DNAH11: variants seen among roughly 807,000 people sequenced by gnomAD.
The protein encoded by DNAH11 is dynein axonemal heavy chain 11.
Under a neutral mutation model 526.0 loss-of-function variants are expected in DNAH11, and 442 were observed. The ratio of observed to expected loss-of-function variants is 0.84; its 90% CI spans 0.78 to 0.91. DNAH11 has a LOEUF of 0.91. DNAH11 is among the 40% of genes least tolerant of loss of function. The pLI, the probability that DNAH11 is intolerant of heterozygous loss-of-function variation, is 0.00. For synonymous variants in DNAH11, 2,461 were observed against 1,935.9 expected (o/e 1.27, Z -7.12); for missense variants, 6,989 against 5,448.7 (o/e 1.28, Z -8.90).
Position 21,658,784 on chromosome 7 carries a change from A to G in DNAH11, c.5095-14A>G, listed in dbSNP as rs1305269041. On this transcript the variant is annotated splice_polypyrimidine_tract_variant and intron_variant, in intron 29 of 81. Transcript: ENST00000409508. ...GTTAAGCCTGTGTTATAACATTTCA[A>G]CTTGCTTCCAAAGGTGGAAACATGG... 3.9e-6 allele frequency: 6 copies of G among 1,549,402 alleles called. No individual in the cohort carries two copies. Among genetic ancestry groups the G allele is most frequent in the Admixed American group, 2.0e-5 (1 of 50,968 alleles).
rs1356934240 is a variant in DNAH11 at position 21,545,262 on chromosome 7, G to A, written c.495+113G>A. 1.3e-5 allele frequency: 6 copies of A among 471,022 alleles called. No individual in the cohort carries two copies. In the East Asian group the frequency reaches 3.7e-4, roughly 29 times the overall value. The allele number at this position is 471,022 out of a possible 1,614,324, so 29.2% of individuals were successfully genotyped here. A position where few individuals can be genotyped will look rare whatever the true frequency, so the allele number is the denominator to read the frequency against. On this transcript the variant is annotated intron_variant, in intron 2 of 81. Transcript: ENST00000409508. ...AAGAGCTAGGAGGGGAAGGGAAGGG[G>A]ATGGGGGTGGTTAAAAAAAAAAAAA...
chr7:21,675,183 C>T (rs1445849044), intron 30 of DNAH11, among the ~76,000 whole-genome samples: 3 of 152,252 alleles, frequency 2.0e-5, no homozygotes, highest in African/African-American at 7.2e-5. Flanking sequence ...AGCACCATCT[C>T]ATTGTCCTAA....
chr7:21,894,724 T>G lies in DNAH11; in HGVS notation c.12852T>G (p.Val4284=), dbSNP rs757487452. The change falls in exon 78 of 82, where the codon GTT becomes GTG. Residue 4284 remains valine (V), a synonymous_variant. Transcript: ENST00000409508. The stretch of plus-strand genomic sequence containing the variant: ...CAAATAGAAGCCCATATGTTCTTGT[T>G]TGCTTCCAAGAATGTGAGAGGATGA... The part of the protein sequence containing the change: ...KNSNRSPYVL[V]CFQECERMNI... 3.7e-6 allele frequency: 6 copies of G among 1,613,606 alleles called. No homozygotes were observed. In the East Asian group the frequency reaches 1.3e-4, roughly 36 times the overall value.
At chr7:21,704,319 C>A in intron 37 of DNAH11, 115 bp from the exon 38 acceptor site, 1 of 1,024,106 alleles carries the variant, frequency 9.8e-7, no homozygotes, top group Non-Finnish European at 1.4e-6. Flanking sequence ...TAATGGAGAA[C>A]AGTACCAATA....
Position 21,741,989 on chromosome 7 carries a change from C to G in DNAH11, c.7977C>G (p.Gly2659=). ...PSLDALNTIY[G]QIFSFHFQQQ... ...TGGATGCACTAAACACCATCTATGG[C>G]CAAATCTTTAGCTTCCATTTCCAAC... is the stretch of plus-strand genomic sequence containing the variant. Residue 2659 remains glycine (G), a synonymous_variant, in exon 49 of 82, where the codon GGC becomes GGG. Coordinates refer to ENST00000409508, the MANE Select transcript of DNAH11 (RefSeq NM_001277115.2). The G allele has an allele frequency of 6.2e-7, 1 of 1,613,898 alleles. No homozygotes were observed. The highest frequency in any genetic ancestry group is 8.5e-7 in the Non-Finnish European group (1 of 1,179,856).
rs577278888 is a variant in DNAH11, at chr7:21,662,513, T to C, written c.5328+3482T>C. Among the ~76,000 whole-genome samples, 3 of 152,252 alleles carry C rather than the reference T, an allele frequency of 2.0e-5. No homozygotes were observed. In the South Asian group the frequency reaches 6.2e-4, roughly 32 times the overall value. On this transcript the variant is annotated intron_variant, in intron 30 of 81. Transcript: ENST00000409508. ...TTAATTGAAAGGTAAATACTGTGTATATTTATGTGTACACATGATGTTTTG... is the reference window on the plus strand; with the variant it reads ...TTAATTGAAAGGTAAATACTGTGTACATTTATGTGTACACATGATGTTTTG...
chr7:21,734,730 T>C (rs1341344588), intron 45 of DNAH11, among the ~76,000 whole-genome samples: 2 of 151,888 alleles, frequency 1.3e-5, no homozygotes, highest in African/African-American at 4.8e-5. Flanking sequence ...TGGTGGTGCA[T>C]GCCTGTAGTC....
Position 21,589,198 on chromosome 7 carries a change from A to C in DNAH11, c.1974-10A>C. The stretch of plus-strand genomic sequence containing the variant: ...ACGTATAAACCAGTAGAAAAACCTT[A>C]TTCCTACAGATTTTTGGGCAATCCT... On this transcript the variant is annotated splice_polypyrimidine_tract_variant and intron_variant, in intron 11 of 81. Coordinates refer to ENST00000409508, the MANE Select transcript of DNAH11 (RefSeq NM_001277115.2). 1 of 1,586,312 alleles carries C rather than the reference A, an allele frequency of 6.3e-7. No homozygotes were observed. Among genetic ancestry groups the C allele is most frequent in the Non-Finnish European group, 8.5e-7 (1 of 1,172,048 alleles).
chr7:21,681,690 T>C lies in DNAH11; in HGVS notation c.5460+13T>C, dbSNP rs1454026422. The stretch of plus-strand genomic sequence containing the variant: ...TATTTCTCAGAAGGCAAGTTGTTTG[T>C]AGAAATTTTATGTATTCATTATTGT... On this transcript the variant is annotated intron_variant, in intron 31 of 81. Coordinates refer to ENST00000409508, the MANE Select transcript of DNAH11 (RefSeq NM_001277115.2). 1 of 1,613,762 alleles carries C rather than the reference T, an allele frequency of 6.2e-7. No individual in the cohort carries two copies. The highest frequency in any genetic ancestry group is 8.5e-7 in the Non-Finnish European group (1 of 1,179,686).
rs572606911 is a variant in DNAH11, at chr7:21,613,977, A to C, written c.3853-1137A>C. On this transcript the variant is annotated intron_variant, in intron 20 of 81. Transcript: ENST00000409508. ...CTTTTAATAGAGATGAGGTTTTGCT[A>C]CATTGCCCAGGCTGGTCTCAAACTC... 3.4e-5 allele frequency among the ~76,000 whole-genome samples: 5 copies of C among 148,458 alleles called. No homozygotes were observed. In the East Asian group the frequency reaches 8.0e-4, roughly 24 times the overall value.
intron 40 of DNAH11, among the ~76,000 whole-genome samples, chr7:21,709,442 C>G (rs2965403): frequency 0.43 from 64,992 of 152,012 alleles, 19,703 homozygotes; most frequent in African/African-American, 0.82. Context: ...GGAAGGAGAG[C>G]AGCAGGGGAT....
chr7:21,749,003 T>C (rs1454424194), intron 52 of DNAH11, among the ~76,000 whole-genome samples: 1 of 152,228 alleles, frequency 6.6e-6, no homozygotes, highest in Non-Finnish European at 1.5e-5. Flanking sequence ...CTTAAACACT[T>C]GCTTACACAA....
chr7:21,852,671 T>C (rs369869919), intron 67 of DNAH11, 40 bp downstream of exon 67: 2 of 1,522,292 alleles, frequency 1.3e-6, no homozygotes, highest in Non-Finnish European at 1.8e-6. Context: ...TCTAATGCTC[T>C]GTTCGAATGA....
At chr7:21,612,904 C>T (rs773419633) in intron 20 of DNAH11, among the ~76,000 whole-genome samples, 5 of 152,058 alleles carry the variant, frequency 3.3e-5, no homozygotes, top group Non-Finnish European at 4.4e-5. Flanking sequence ...GAGAAAAAAT[C>T]GTATGATTAT....
intron 65 of DNAH11, among the ~76,000 whole-genome samples, chr7:21,829,705 C>T (rs954890304): frequency 6.6e-6 from 1 of 152,124 alleles, no homozygotes; most frequent in African/African-American, 2.4e-5. Context: ...ATCTTGAGAA[C>T]GTTTCCAATA....
intron 26 of DNAH11, among the ~76,000 whole-genome samples, chr7:21,637,387 T>C (rs918872982): frequency 6.6e-6 from 1 of 152,198 alleles, no homozygotes; most frequent in African/African-American, 2.4e-5. Flanking sequence ...TGACAGTGCT[T>C]ATCACATTTA....
chr7:21,740,012 A>G (rs968189223), intron 48 of DNAH11, among the ~76,000 whole-genome samples: 2 of 152,144 alleles, frequency 1.3e-5, no homozygotes, highest in African/African-American at 2.4e-5. Flanking sequence ...ACTAAAGTTC[A>G]GAGTTTACAT....
chr7:21,824,022 A>C (rs551348567), intron 65 of DNAH11, among the ~76,000 whole-genome samples: 1 of 149,438 alleles, frequency 6.7e-6, no homozygotes, highest in South Asian at 2.1e-4. Flanking sequence ...GCTAGAGGAC[A>C]CACCTTCCGT....
intron 30 of DNAH11, among the ~76,000 whole-genome samples, chr7:21,672,295 C>T (rs1162797594): frequency 6.6e-6 from 1 of 152,110 alleles, no homozygotes; most frequent in African/African-American, 2.4e-5. Flanking sequence ...CTCCAGACTA[C>T]TTTTCTAAGA....
Sources: allele counts gnomAD v4.1 joint callset (sites outside exome capture counted in the v4.1 genomes callset), GRCh38; gene constraint gnomAD v4.1.1; transcripts MANE v1.5; gene names NCBI Gene and HGNC (gene_info 2026-07-23, HGNC 2026-07-21).